RUFY3: variants seen among roughly 807,000 people sequenced by gnomAD.
The protein encoded by RUFY3 is protein RUFY3.
In RUFY3, 34 loss-of-function variants were observed where a neutral mutation model predicts 84.0. The observed-to-expected ratio is 0.40, with a 90% CI of 0.31 to 0.54. RUFY3 has a LOEUF of 0.54. RUFY3 is among the 20% of genes least tolerant of loss of function. RUFY3 has a pLI of 0.39. For synonymous variants in RUFY3, 242 were observed against 252.9 expected (o/e 0.96, Z 0.41); for missense variants, 507 against 736.8 (o/e 0.69, Z 3.61).
At chr4:70,804,477 C>A in intron 17 of RUFY3, 61 bp downstream of exon 17, 1 of 1,428,710 alleles carries the variant, frequency 7.0e-7, no homozygotes, top group East Asian at 2.3e-5. Context: ...CCCCCAGTCC[C>A]TCCCCAGGAG....
intron 10 of RUFY3, among the ~76,000 whole-genome samples, chr4:70,787,168 GA>G (rs71211959): frequency 0.047 from 2,478 of 52,938 alleles, 17 homozygotes; most frequent in Non-Finnish European, 0.054. Context: ...CCCTGTCTCA[GA>G]AAAAAAAAAA....
In RUFY3 at chr4:70,778,449, G is replaced by T; in HGVS notation, c.894+11G>T. ...AAACTGACAGAGGAGGTAAGTTTTG[G>T]AAATGCTTTGATTGACTTATAGAAT... is the stretch of plus-strand genomic sequence containing the variant. On this transcript the variant is annotated intron_variant, in intron 8 of 17. Coordinates refer to ENST00000381006, the MANE Select transcript of RUFY3 (RefSeq NM_001037442.4). The T allele has an allele frequency of 6.7e-7, 1 of 1,497,104 alleles. No homozygotes were observed. The highest frequency in any genetic ancestry group is 9.3e-7 in the Non-Finnish European group (1 of 1,075,866). 92.7% of individuals were successfully genotyped at this position (1,497,104 alleles called of 1,614,324 possible).
chr4:70,706,978 CA>C (rs1740409747), intron 1 of RUFY3, among the ~76,000 whole-genome samples: 1 of 152,168 alleles, frequency 6.6e-6, no homozygotes, highest in African/African-American at 2.4e-5. Flanking sequence ...AGAAGACTGT[CA>C]TTTCTCTGTA....
At chr4:70,707,375 C>T (rs1317207249) in intron 1 of RUFY3, among the ~76,000 whole-genome samples, 2 of 152,208 alleles carry the variant, frequency 1.3e-5, no homozygotes, top group African/African-American at 4.8e-5. Flanking sequence ...TCTCCTGCCT[C>T]AGCCTCCTGA....
chr4:70,762,792 T>C, intron 2 of RUFY3, 100 bp downstream of exon 2: 1 of 1,016,962 alleles, frequency 9.8e-7, no homozygotes, highest in Non-Finnish European at 1.4e-6. Context: ...AATAAGAGGC[T>C]TGAATTAATA....
At chr4:70,780,018 A>G (rs1459261664) in intron 8 of RUFY3, among the ~76,000 whole-genome samples, 1 of 152,124 alleles carries the variant, frequency 6.6e-6, no homozygotes, top group South Asian at 2.1e-4. Context: ...TATAGTTTTA[A>G]AATACCTTTT....
At chr4:70,767,079 T>A (rs908505809) in intron 4 of RUFY3, among the ~76,000 whole-genome samples, 6 of 151,490 alleles carry the variant, frequency 4.0e-5, no homozygotes, top group African/African-American at 1.2e-4. Context: ...TGTGGCTTGA[T>A]AGCTCCCTTT....
At chr4:70,734,030 A>G (rs148362722) in intron 1 of RUFY3, among the ~76,000 whole-genome samples, 5 of 152,326 alleles carry the variant, frequency 3.3e-5, no homozygotes, top group Non-Finnish European at 7.3e-5. Context: ...GAGTGGGAAC[A>G]TTTGCCTCAC....
chr4:70,739,519 C>T (rs1384105065), intron 1 of RUFY3, among the ~76,000 whole-genome samples: 1 of 151,930 alleles, frequency 6.6e-6, no homozygotes, highest in Non-Finnish European at 1.5e-5. Context: ...CCTTAAGAAA[C>T]CATAATAAAA....
intron 4 of RUFY3, 115 bp from the exon 5 acceptor site, chr4:70,768,423 G>T: frequency 1.2e-6 from 1 of 811,334 alleles, no homozygotes; most frequent in Non-Finnish European, 1.9e-6. Context: ...TTTTGTAGAT[G>T]GCTATAATCA....
At chr4:70,782,696 T>C (rs1222001997) in intron 8 of RUFY3, among the ~76,000 whole-genome samples, 1 of 152,102 alleles carries the variant, frequency 6.6e-6, no homozygotes, top group East Asian at 1.9e-4. Context: ...GCAGATCTCT[T>C]GAAGGCAGAA....
At chr4:70,737,175 A>G (rs1303434745) in intron 1 of RUFY3, among the ~76,000 whole-genome samples, 2 of 151,648 alleles carry the variant, frequency 1.3e-5, no homozygotes, top group African/African-American at 4.8e-5. Flanking sequence ...TCCAAAAGAT[A>G]CAGTTGTGGT....
At chr4:70,715,891 A>G (rs112181512) in intron 1 of RUFY3, among the ~76,000 whole-genome samples, 10,308 of 152,142 alleles carry the variant, frequency 0.068, 922 homozygotes, top group African/African-American at 0.21. Flanking sequence ...AGGCGGGCAG[A>G]TCACGAGGTC....
intron 1 of RUFY3, among the ~76,000 whole-genome samples, chr4:70,739,990 CA>C (rs551882326): frequency 0.014 from 646 of 47,714 alleles, 3 homozygotes; most frequent in African/African-American, 0.033. Context: ...AACTCCGTCT[CA>C]AAAAAAAAAA....
upstream of RUFY3, among the ~76,000 whole-genome samples, chr4:70,720,735 T>C (rs1252384110): frequency 2.0e-5 from 3 of 152,188 alleles, no homozygotes; most frequent in Non-Finnish European, 4.4e-5. Flanking sequence ...TTGGAACCCT[T>C]CAATACAAAA....
At chr4:70,712,296 C>G (rs1741082029) in intron 1 of RUFY3, among the ~76,000 whole-genome samples, 1 of 152,276 alleles carries the variant, frequency 6.6e-6, no homozygotes, top group Admixed American at 6.5e-5. Context: ...TGTAATAGTA[C>G]TTAGCACTTT....
intron 14 of RUFY3, among the ~76,000 whole-genome samples, chr4:70,798,807 A>AAAAC (rs571165126): frequency 3.1e-4 from 47 of 151,976 alleles, no homozygotes; most frequent in African/African-American, 1.1e-3. Flanking sequence ...GTCTGTCTCC[A>AAAAC]AAACAAACAA....
intron 12 of RUFY3, chr4:70,792,033 T>C (rs1232723590): frequency 1.0e-6 from 1 of 985,316 alleles, no homozygotes; most frequent in East Asian, 1.1e-4. Context: ...CCTCCTCATG[T>C]TTGTCATCTT....
intron 1 of RUFY3, among the ~76,000 whole-genome samples, chr4:70,709,825 G>A (rs1469835737): frequency 6.6e-6 from 1 of 152,178 alleles, no homozygotes; most frequent in Non-Finnish European, 1.5e-5. Context: ...TATGCAAATA[G>A]CCCACATCCT....
Sources: allele counts gnomAD v4.1 joint callset (sites outside exome capture counted in the v4.1 genomes callset), GRCh38; gene constraint gnomAD v4.1.1; transcripts MANE v1.5; gene names NCBI Gene and HGNC (gene_info 2026-07-23, HGNC 2026-07-21).